The following CNGA1 variants were observed in gnomAD, a reference collection of about 807,000 sequenced individuals.
CNGA1 encodes cyclic nucleotide gated channel subunit alpha 1.
CNGA1 carries 53 observed loss-of-function variants against 69.7 expected under a neutral mutation model. The ratio of observed to expected loss-of-function variants is 0.76; its 90% CI spans 0.61 to 0.96. The LOEUF (loss-of-function observed/expected upper bound fraction) is 0.96, where lower values mean the gene tolerates loss of function less well. Ranked by LOEUF, CNGA1 falls within the 40% of genes least tolerant of loss-of-function variation. The pLI is 0.00. For missense variants in CNGA1, 739 were observed against 811.2 expected, an observed-to-expected ratio of 0.91 and a Z score of 1.08; for synonymous variants, 249 against 283.5, an observed-to-expected ratio of 0.88 and a Z score of 1.22.
intron 3 of CNGA1, among the ~76,000 whole-genome samples, chr4:47,974,599 G>A (rs1741248485): frequency 6.6e-6 from 1 of 152,182 alleles, no homozygotes; most frequent in African/African-American, 2.4e-5. Flanking sequence ...GAGGACTAAG[G>A]TCTGGAGATC....
At chr4:47,994,791 T>C (rs534161689) in intron 2 of CNGA1, among the ~76,000 whole-genome samples, 12 of 152,300 alleles carry the variant, frequency 7.9e-5, no homozygotes, top group African/African-American at 2.9e-4. Context: ...ATATATGCTT[T>C]AAAGAGGTTC....
At chr4:47,970,650 TAA>T (rs35223454) in intron 3 of CNGA1, among the ~76,000 whole-genome samples, 2 of 141,288 alleles carry the variant, frequency 1.4e-5, no homozygotes, top group Non-Finnish European at 1.5e-5. Context: ...AAAACTCCAT[TAA>T]AAAAAAAAAA....
At chr4:47,951,054 T>G (rs947485715) in intron 5 of CNGA1, among the ~76,000 whole-genome samples, 1 of 152,098 alleles carries the variant, frequency 6.6e-6, no homozygotes, top group Non-Finnish European at 1.5e-5. Context: ...CCATAAATAA[T>G]CATCGGGCAG....
chr4:47,951,754 T>G (rs1387136141), intron 4 of CNGA1, among the ~76,000 whole-genome samples: 1 of 152,226 alleles, frequency 6.6e-6, no homozygotes, highest in Non-Finnish European at 1.5e-5. Flanking sequence ...ATTTATCAAA[T>G]AGCAAGTGTG....
At chr4:47,994,940 T>G (rs188332819) in intron 2 of CNGA1, among the ~76,000 whole-genome samples, 11 of 152,296 alleles carry the variant, frequency 7.2e-5, no homozygotes, top group Non-Finnish European at 4.4e-5. Flanking sequence ...TATATGAAGC[T>G]TGGCTTCACT....
intron 2 of CNGA1, among the ~76,000 whole-genome samples, chr4:48,002,162 T>TC (rs1329957158): frequency 6.6e-6 from 1 of 151,932 alleles, no homozygotes; most frequent in Non-Finnish European, 1.5e-5. Flanking sequence ...CAAATTAAAC[T>TC]CCAAGTAGAA....
At chr4:48,007,679 A>T (rs1714982342) in intron 2 of CNGA1, among the ~76,000 whole-genome samples, 1 of 152,194 alleles carries the variant, frequency 6.6e-6, no homozygotes, top group African/African-American at 2.4e-5. Context: ...TAAAAAAAAA[A>T]ATTTAATCTC....
At chr4:47,978,696 G>A (rs938622208) in intron 3 of CNGA1, among the ~76,000 whole-genome samples, 1 of 151,778 alleles carries the variant, frequency 6.6e-6, no homozygotes, top group African/African-American at 2.4e-5. Context: ...TTATTGTGTT[G>A]GGTAGAATTT....
At chr4:47,952,332 C>A (rs1282739174) in intron 4 of CNGA1, among the ~76,000 whole-genome samples, 1 of 151,716 alleles carries the variant, frequency 6.6e-6, no homozygotes, top group Admixed American at 6.6e-5. Flanking sequence ...TGTGCCACTG[C>A]GTTCCAGCCT....
At chr4:47,950,034 A>G in intron 5 of CNGA1, 139 bp from the exon 6 acceptor site, 1 of 726,130 alleles carries the variant, frequency 1.4e-6, no homozygotes, top group South Asian at 1.6e-5. Flanking sequence ...AGATATTTCA[A>G]AAACATATTA....
At chr4:47,965,362 T>G (rs1408486668) in intron 3 of CNGA1, among the ~76,000 whole-genome samples, 1 of 152,168 alleles carries the variant, frequency 6.6e-6, no homozygotes, top group Non-Finnish European at 1.5e-5. Flanking sequence ...TGAATATTAA[T>G]ATGGTGAACT....
At chr4:47,996,238 G>GT (rs1188183167) in intron 2 of CNGA1, among the ~76,000 whole-genome samples, 2 of 152,174 alleles carry the variant, frequency 1.3e-5, no homozygotes, top group Non-Finnish European at 2.9e-5. Flanking sequence ...CTCTTAGGGA[G>GT]TAAGTCCTCC....
chr4:47,986,182 C>T (rs575618515), intron 2 of CNGA1, among the ~76,000 whole-genome samples: 4 of 152,198 alleles, frequency 2.6e-5, no homozygotes, highest in South Asian at 2.1e-4. Context: ...CAGAGGTGGG[C>T]GGATCACTTG....
chr4:47,967,054 G>A (rs1740759470), intron 3 of CNGA1, among the ~76,000 whole-genome samples: 1 of 152,118 alleles, frequency 6.6e-6, no homozygotes, highest in African/African-American at 2.4e-5. Context: ...TGTAATCCCA[G>A]CACTTTGGGA....
At chr4:47,965,341 A>C (rs1578092362) in intron 3 of CNGA1, among the ~76,000 whole-genome samples, 2 of 152,126 alleles carry the variant, frequency 1.3e-5, no homozygotes, top group Admixed American at 1.3e-4. Context: ...AGAAATAATC[A>C]TATTTTCCTG....
At chr4:47,940,124 A>G (rs1738984212) in intron 10 of CNGA1, among the ~76,000 whole-genome samples, 1 of 152,204 alleles carries the variant, frequency 6.6e-6, no homozygotes, top group African/African-American at 2.4e-5. Flanking sequence ...TCCTTCTCCT[A>G]AACTGGCTAC....
At chr4:47,989,507 T>A (rs1284787345) in intron 2 of CNGA1, among the ~76,000 whole-genome samples, 14 of 152,136 alleles carry the variant, frequency 9.2e-5, no homozygotes, top group Non-Finnish European at 1.6e-4. Flanking sequence ...CCTCATAAAT[T>A]ACTAACCATT....
At chr4:47,945,472 G>T (rs1382636267) in intron 6 of CNGA1, among the ~76,000 whole-genome samples, 1 of 152,168 alleles carries the variant, frequency 6.6e-6, no homozygotes, top group Non-Finnish European at 1.5e-5. Context: ...ATTGAAGACT[G>T]TTTGGCACAG....
At chr4:47,991,739 C>T (rs1285477811) in intron 2 of CNGA1, among the ~76,000 whole-genome samples, 1 of 152,144 alleles carries the variant, frequency 6.6e-6, no homozygotes, top group Non-Finnish European at 1.5e-5. Flanking sequence ...GAAAACTCTG[C>T]CTAAGCCAAT....
Sources: allele counts gnomAD v4.1 joint callset (sites outside exome capture counted in the v4.1 genomes callset), GRCh38; gene constraint gnomAD v4.1.1; transcripts MANE v1.5; gene names NCBI Gene and HGNC (gene_info 2026-07-23, HGNC 2026-07-21).